Variants in FTCDNL1 observed in about 807,000 individuals in gnomAD.
The protein encoded by FTCDNL1 is formiminotransferase N-terminal subdomain-containing protein.
FTCDNL1 carries 11 observed loss-of-function variants against 5.9 expected under a neutral mutation model. The observed-to-expected ratio is 1.87, with a 90% CI of 1.18 to 3.10. FTCDNL1 has a LOEUF of 3.10. Among genes scored for constraint, FTCDNL1 ranks in the 30% most tolerant of loss-of-function variants. FTCDNL1 has a pLI of 0.00. For missense variants in FTCDNL1, 115 were observed against 65.5 expected, an observed-to-expected ratio of 1.76 and a Z score of -2.61; for synonymous variants, 58 against 24.8, an observed-to-expected ratio of 2.34 and a Z score of -3.99.
chr2:199,698,709 C>A, the FTCDNL1 span, among the ~76,000 whole-genome samples: 1 of 151,930 alleles, frequency 6.6e-6, no homozygotes, highest in African/African-American at 2.4e-5. Context: ...ACATCATACC[C>A]AGAGGAATTA....
At chr2:199,746,923 G>T in the FTCDNL1 span, among the ~76,000 whole-genome samples, 1 of 151,804 alleles carries the variant, frequency 6.6e-6, no homozygotes, top group Non-Finnish European at 1.5e-5. Context: ...TACCTTAAAC[G>T]TCTTGGGTTG....
At chr2:199,799,182 C>T (rs1382718190) in intron 3 of FTCDNL1, among the ~76,000 whole-genome samples, 1 of 152,130 alleles carries the variant, frequency 6.6e-6, no homozygotes, top group African/African-American at 2.4e-5. Flanking sequence ...TATTTTTCAA[C>T]AACTGGTTTC....
At chr2:199,693,460 T>C in the FTCDNL1 span, among the ~76,000 whole-genome samples, 1 of 152,236 alleles carries the variant, frequency 6.6e-6, no homozygotes, top group Admixed American at 6.5e-5. Flanking sequence ...TTAGCATCTA[T>C]CCTGTGATAA....
the FTCDNL1 span, among the ~76,000 whole-genome samples, chr2:199,678,867 TA>T: frequency 1.3e-5 from 2 of 152,140 alleles, no homozygotes; most frequent in African/African-American, 4.8e-5. Flanking sequence ...GTTTTTCTTA[TA>T]AAATTGCAAT....
chr2:199,728,668 A>T, the FTCDNL1 span, among the ~76,000 whole-genome samples: 1 of 152,192 alleles, frequency 6.6e-6, no homozygotes, highest in South Asian at 2.1e-4. Flanking sequence ...GAGCACAAGG[A>T]AGAGTGGGTA....
the FTCDNL1 span, among the ~76,000 whole-genome samples, chr2:199,689,810 TAAAA>T: frequency 2.6e-5 from 3 of 116,998 alleles, no homozygotes; most frequent in Admixed American, 9.2e-5. Flanking sequence ...AAACTCCGTC[TAAAA>T]AAAAAAAAAA....
the FTCDNL1 span, among the ~76,000 whole-genome samples, chr2:199,673,546 T>C: frequency 2.0e-5 from 3 of 152,260 alleles, no homozygotes; most frequent in South Asian, 6.2e-4. Flanking sequence ...TTGCACCTAC[T>C]ATATGCTAGG....
chr2:199,699,004 C>A, the FTCDNL1 span, among the ~76,000 whole-genome samples: 1 of 152,096 alleles, frequency 6.6e-6, no homozygotes, highest in South Asian at 2.1e-4. Context: ...TGTACACAAA[C>A]TAGAATACCT....
downstream of FTCDNL1, chr2:199,760,499 A>G (rs955051285): frequency 9.3e-6 from 3 of 321,454 alleles, no homozygotes; most frequent in Non-Finnish European, 1.8e-5. Flanking sequence ...AACACCTTGT[A>G]TATAAGAGGG....
intron 4 of FTCDNL1, among the ~76,000 whole-genome samples, chr2:199,814,441 C>G (rs1701230188): frequency 6.6e-6 from 1 of 152,210 alleles, no homozygotes; most frequent in Non-Finnish European, 1.5e-5. Flanking sequence ...ATGACGTTTC[C>G]TTGCTCTGTG....
chr2:199,681,934 A>C, the FTCDNL1 span, among the ~76,000 whole-genome samples: 1 of 150,028 alleles, frequency 6.7e-6, no homozygotes, highest in African/African-American at 2.5e-5. Context: ...TGTGTGTGTT[A>C]CTTTCCTATT....
chr2:199,667,895 C>T, the FTCDNL1 span, among the ~76,000 whole-genome samples: 1 of 152,148 alleles, frequency 6.6e-6, no homozygotes, highest in Admixed American at 6.5e-5. Flanking sequence ...AAACAATGAA[C>T]TCAAGCATCT....
the FTCDNL1 span, among the ~76,000 whole-genome samples, chr2:199,748,058 C>T: frequency 2.0e-5 from 3 of 151,644 alleles, no homozygotes; most frequent in African/African-American, 7.3e-5. Context: ...CAAAAGAGAA[C>T]GAAGTCAACT....
the FTCDNL1 span, among the ~76,000 whole-genome samples, chr2:199,717,172 C>T: frequency 1.3e-5 from 2 of 152,172 alleles, no homozygotes; most frequent in African/African-American, 2.4e-5. Context: ...CATGCAAGTG[C>T]CTCCTTTTTT....
chr2:199,800,238 A>C (rs1370884768), intron 3 of FTCDNL1, among the ~76,000 whole-genome samples: 1 of 152,200 alleles, frequency 6.6e-6, no homozygotes, highest in African/African-American at 2.4e-5. Context: ...ACCTATACAG[A>C]AACCTGGTCC....
At chr2:199,747,243 C>G in the FTCDNL1 span, among the ~76,000 whole-genome samples, 8 of 152,134 alleles carry the variant, frequency 5.3e-5, no homozygotes, top group African/African-American at 1.9e-4. Context: ...CTGGATTTTC[C>G]TGAGCTCAAA....
chr2:199,678,952 A>G, the FTCDNL1 span, among the ~76,000 whole-genome samples: 3 of 152,248 alleles, frequency 2.0e-5, no homozygotes, highest in African/African-American at 7.2e-5. Context: ...GAATTTTTGA[A>G]TGAAACAATA....
rs185619498 is a variant in FTCDNL1 at position 199,847,034 on chromosome 2, C to T, written c.116-864G>A. On this transcript the variant is annotated intron_variant, in intron 2 of 4. Coordinates refer to ENST00000420128, the MANE Select transcript of FTCDNL1 (RefSeq NM_001363886.2). The stretch of plus-strand genomic sequence containing the variant: ...CAAGTTACACCCAGGAACTACAGAG[C>T]TTAGAACAGCCCTACACTATTAATT... Among the ~76,000 whole-genome samples the T allele has an allele frequency of 3.9e-5, 6 of 152,244 alleles. No individual in the cohort carries two copies. In the East Asian group the frequency reaches 1.2e-3, roughly 29 times the overall value.
chr2:199,801,612 G>A (rs555555806), intron 3 of FTCDNL1, among the ~76,000 whole-genome samples: 5 of 152,134 alleles, frequency 3.3e-5, no homozygotes, highest in Admixed American at 6.5e-5. Context: ...CCAAGATCAC[G>A]CCACTGCACT....
Sources: allele counts gnomAD v4.1 joint callset (sites outside exome capture counted in the v4.1 genomes callset), GRCh38; gene constraint gnomAD v4.1.1; transcripts MANE v1.5; gene names NCBI Gene and HGNC (gene_info 2026-07-23, HGNC 2026-07-21).